DHX57: variants seen among roughly 807,000 people sequenced by gnomAD.
The protein encoded by DHX57 is DExH-box helicase 57.
In DHX57, 105 loss-of-function variants were observed where a neutral mutation model predicts 156.2. The observed-to-expected ratio is 0.67, with a 90% CI of 0.57 to 0.79. The LOEUF (loss-of-function observed/expected upper bound fraction) is 0.79. Among genes scored for constraint, DHX57 ranks in the 30% least tolerant of loss-of-function variants. The pLI, the probability that DHX57 is intolerant of heterozygous loss-of-function variation, is 0.00. For missense variants in DHX57, 1,847 were observed against 1,661.9 expected, an observed-to-expected ratio of 1.11 and a Z score of -1.94; for synonymous variants, 704 against 595.6, an observed-to-expected ratio of 1.18 and a Z score of -2.65.
chr2:38,842,876 T>G, intron 12 of DHX57, 129 bp downstream of exon 12: 1 of 933,146 alleles, frequency 1.1e-6, no homozygotes, highest in Non-Finnish European at 1.6e-6. Context: ...AGGTTTAAGG[T>G]TGCTCTGATG....
At chr2:38,875,290 CTTTG>C (rs1266352939) in intron 1 of DHX57, among the ~76,000 whole-genome samples, 1 of 152,154 alleles carries the variant, frequency 6.6e-6, no homozygotes, top group Non-Finnish European at 1.5e-5. Flanking sequence ...TAAGAGTATT[CTTTG>C]TTTGATAGCC....
At chr2:38,869,652 T>G (rs1296570692) in intron 1 of DHX57, among the ~76,000 whole-genome samples, 1 of 152,200 alleles carries the variant, frequency 6.6e-6, no homozygotes, top group South Asian at 2.1e-4. Flanking sequence ...GGAAATAGAC[T>G]TCACTAAAAT....
rs1256456455 is a variant in DHX57 at position 38,855,122 on chromosome 2, C to A, written c.1840G>T (p.Ala614Ser). Reference sequence around the variant, plus strand: ...CCCACCCTCTCTGCTCTTTCTTTAGCAACGCGTTCAGCAACAGAGATTGCA... The same window carrying A: ...CCCACCCTCTCTGCTCTTTCTTTAGAAACGCGTTCAGCAACAGAGATTGCA... ...ISAISVAERVAKERAERVGLT... is the reference protein window; with the variant it reads ...ISAISVAERVSKERAERVGLT... Residue 614 changes from alanine to serine, a missense_variant, in exon 8 of 24, where the codon GCT becomes TCT. Ala to Ser is a moderately conservative substitution (Grantham distance 99, BLOSUM62 1). Transcript: ENST00000457308. 7.4e-6 allele frequency: 12 copies of A among 1,614,080 alleles called. No individual in the cohort carries two copies. The highest frequency in any genetic ancestry group is 3.3e-5 in the Admixed American group (2 of 60,006).
chr2:38,851,128 C>T (rs994500415), intron 9 of DHX57, among the ~76,000 whole-genome samples: 20 of 151,712 alleles, frequency 1.3e-4, no homozygotes, highest in African/African-American at 4.6e-4. Context: ...AAATCAAAAA[C>T]AGCACAACAA....
At chr2:38,809,916 C>T (rs1017627363) in intron 21 of DHX57, among the ~76,000 whole-genome samples, 15 of 151,800 alleles carry the variant, frequency 9.9e-5, no homozygotes, top group African/African-American at 2.7e-4. Context: ...TTTTTTGAGA[C>T]GGAGTCATGT....
intron 21 of DHX57, chr2:38,810,906 G>A (rs1488585456): frequency 3.4e-5 from 27 of 798,360 alleles, no homozygotes; most frequent in South Asian, 2.6e-4. Context: ...GCTTGCCTGC[G>A]ACTTCATTCA....
At chr2:38,838,873 G>C in intron 12 of DHX57, 1 of 432,084 alleles carries the variant, frequency 2.3e-6, no homozygotes, top group Non-Finnish European at 4.6e-6. Context: ...ATCTATCTGC[G>C]ATCTGGTAAA....
chr2:38,873,920 C>T (rs1665469923), intron 1 of DHX57, among the ~76,000 whole-genome samples: 1 of 152,038 alleles, frequency 6.6e-6, no homozygotes, highest in Admixed American at 6.6e-5. Context: ...CAGAATGAGC[C>T]ATGAAATAGT....
rs1670897483 is a variant in DHX57, at chr2:38,822,933, C to A, written c.3291+60G>T. The A allele has an allele frequency of 3.9e-6, 6 of 1,541,228 alleles. No individual in the cohort carries two copies. In the South Asian group the frequency reaches 7.4e-5, roughly 19 times the overall value. On this transcript the variant is annotated intron_variant, in intron 17 of 23. Coordinates refer to ENST00000457308, the MANE Select transcript of DHX57 (RefSeq NM_198963.3). The stretch of plus-strand genomic sequence containing the variant: ...ACATGCCCTTGATTTCCCCCATGGT[C>A]CCCTTAGAGACCTATGGTCCTCTTA...
intron 5 of DHX57, among the ~76,000 whole-genome samples, chr2:38,860,796 C>T (rs1673151825): frequency 1.3e-5 from 2 of 152,166 alleles, no homozygotes; most frequent in Admixed American, 1.3e-4. Context: ...GGGAGCCCAA[C>T]CACAGCAACA....
intron 13 of DHX57, among the ~76,000 whole-genome samples, chr2:38,834,331 C>CAAAA (rs33985881): frequency 1.2e-5 from 1 of 83,844 alleles, no homozygotes; most frequent in Non-Finnish European, 2.5e-5. Context: ...AACTCCATCT[C>CAAAA]AAAAAAAAAA....
At chr2:38,798,929 C>T (rs986453633) in intron 23 of DHX57, among the ~76,000 whole-genome samples, 10 of 150,654 alleles carry the variant, frequency 6.6e-5, no homozygotes, top group African/African-American at 1.2e-4. Flanking sequence ...GGTGACATAG[C>T]GAGACTCTGT....
At chr2:38,825,722 A>T in intron 16 of DHX57, 125 bp downstream of exon 16, 1 of 939,556 alleles carries the variant, frequency 1.1e-6, no homozygotes, top group Non-Finnish European at 1.6e-6. Context: ...CTTCACAAAT[A>T]AATGAGATTA....
At chr2:38,816,172 G>A (rs895396370) in intron 19 of DHX57, 1 of 470,792 alleles carries the variant, frequency 2.1e-6, no homozygotes, top group African/African-American at 2.0e-5. Context: ...GGTCTTGCTG[G>A]CTCATCTCTT....
intron 13 of DHX57, 79 bp from the exon 14 acceptor site, chr2:38,828,515 T>G (rs899171257): frequency 1.0e-6 from 1 of 988,920 alleles, no homozygotes; most frequent in South Asian, 1.7e-5. Context: ...TAAAAAAGAA[T>G]ATGATAAATG....
At chr2:38,813,376 GTT>G (rs1045898471) in intron 21 of DHX57, among the ~76,000 whole-genome samples, 1 of 143,302 alleles carries the variant, frequency 7.0e-6, no homozygotes. Context: ...TGTATACTAA[GTT>G]TTTTTTTTTT....
chr2:38,799,936 C>G (rs1374156036), intron 23 of DHX57, among the ~76,000 whole-genome samples: 18 of 151,926 alleles, frequency 1.2e-4, no homozygotes, highest in Non-Finnish European at 2.4e-4. Context: ...GCCTGTAATC[C>G]CAGCACTTTG....
At chr2:38,827,788 C>A (rs1166271416) in intron 14 of DHX57, among the ~76,000 whole-genome samples, 1 of 151,934 alleles carries the variant, frequency 6.6e-6, no homozygotes, top group Non-Finnish European at 1.5e-5. Context: ...GCCTTTCCCC[C>A]ACCTTCCCCC....
intron 1 of DHX57, among the ~76,000 whole-genome samples, chr2:38,869,959 A>T (rs1241653424): frequency 1.3e-5 from 2 of 152,250 alleles, no homozygotes; most frequent in Non-Finnish European, 2.9e-5. Context: ...AAAGGAAGGT[A>T]TGATGACAAT....
Sources: gnomAD v4.1 joint callset for allele counts (sites outside exome capture counted in the v4.1 genomes callset) on GRCh38, gnomAD v4.1.1 for gene constraint, MANE v1.5 for transcripts, NCBI Gene and HGNC (gene_info 2026-07-23, HGNC 2026-07-21) for gene names.